Variants in AGBL1 observed in about 807,000 individuals in gnomAD.
AGBL1 encodes cytosolic carboxypeptidase 4.
In AGBL1, 130 loss-of-function variants were observed where a neutral mutation model predicts 118.9. The ratio of observed to expected loss-of-function variants is 1.09; its 90% CI spans 0.95 to 1.26. The LOEUF is 1.26. AGBL1 is among the 50% of genes most tolerant of loss of function. The pLI is 0.00. For synonymous variants in AGBL1, 555 were observed against 478.9 expected (o/e 1.16, Z -2.08); for missense variants, 1,584 against 1,298.1 (o/e 1.22, Z -3.38).
intron 22 of AGBL1, among the ~76,000 whole-genome samples, chr15:86,883,690 G>C (rs989886789): frequency 6.6e-6 from 1 of 152,058 alleles, no homozygotes; most frequent in African/African-American, 2.4e-5. Flanking sequence ...CCTAGCACAT[G>C]GTAGGTAGGT....
chr15:86,991,317 A>G (rs889457524), intron 24 of AGBL1, among the ~76,000 whole-genome samples: 10 of 151,108 alleles, frequency 6.6e-5, no homozygotes, highest in African/African-American at 2.4e-4. Context: ...CTTGCATAAA[A>G]CTATCATATG....
At chr15:86,508,454 A>AT (rs2083009374) in intron 18 of AGBL1, among the ~76,000 whole-genome samples, 1 of 152,098 alleles carries the variant, frequency 6.6e-6, no homozygotes, top group African/African-American at 2.4e-5. Flanking sequence ...CAGGAAACCT[A>AT]TTTTTCATTG....
intron 22 of AGBL1, among the ~76,000 whole-genome samples, chr15:86,901,218 T>C (rs1434269623): frequency 6.6e-6 from 1 of 152,300 alleles, no homozygotes; most frequent in African/African-American, 2.4e-5. Flanking sequence ...TCTGTTTCAT[T>C]TCTAAAAGAT....
At chr15:86,662,838 A>G (rs1372487160) in intron 21 of AGBL1, among the ~76,000 whole-genome samples, 1 of 152,202 alleles carries the variant, frequency 6.6e-6, no homozygotes, top group East Asian at 1.9e-4. Flanking sequence ...GCCATTCCGC[A>G]TGACCAGTGA....
At chr15:86,374,901 A>G (rs1299415466) in intron 17 of AGBL1, among the ~76,000 whole-genome samples, 1 of 152,238 alleles carries the variant, frequency 6.6e-6, no homozygotes, top group East Asian at 1.9e-4. Flanking sequence ...ACAGTAGCAC[A>G]TTCATCATGA....
At chr15:87,027,170 T>G (rs887134143) in intron 24 of AGBL1, among the ~76,000 whole-genome samples, 3 of 151,928 alleles carry the variant, frequency 2.0e-5, no homozygotes, top group Non-Finnish European at 4.4e-5. Context: ...GTGGCTAACA[T>G]ATGAAAAATA....
chr15:86,932,806 T>C (rs1056901432), intron 23 of AGBL1: 5 of 152,202 alleles, frequency 3.3e-5, no homozygotes, highest in Non-Finnish European at 5.9e-5. Context: ...TTAAGTCTAG[T>C]TACTTGAATC....
intron 22 of AGBL1, among the ~76,000 whole-genome samples, chr15:86,848,880 T>G (rs2079357018): frequency 6.6e-6 from 1 of 152,194 alleles, no homozygotes; most frequent in Non-Finnish European, 1.5e-5. Flanking sequence ...TCTCGAGTAC[T>G]TTCCATGCTC....
intron 22 of AGBL1, among the ~76,000 whole-genome samples, chr15:86,871,872 T>C (rs1302518867): frequency 2.0e-5 from 3 of 152,190 alleles, no homozygotes; most frequent in African/African-American, 7.2e-5. Flanking sequence ...ATAAAATGAT[T>C]GGTTGAATTA....
At chr15:86,117,092 GAA>G (rs755363013) in intron 1 of AGBL1, among the ~76,000 whole-genome samples, 2 of 151,878 alleles carry the variant, frequency 1.3e-5, no homozygotes, top group Non-Finnish European at 2.9e-5. Context: ...TGGCTCATGG[GAA>G]CTAAAATCAC....
intron 17 of AGBL1, among the ~76,000 whole-genome samples, chr15:86,312,544 G>A (rs1468989982): frequency 6.6e-6 from 1 of 152,222 alleles, no homozygotes; most frequent in Non-Finnish European, 1.5e-5. Context: ...TGCCTTTCCT[G>A]GTAACAGATG....
chr15:86,632,378 G>C (rs183712214), intron 21 of AGBL1, among the ~76,000 whole-genome samples: 1 of 152,134 alleles, frequency 6.6e-6, no homozygotes, highest in Non-Finnish European at 1.5e-5. Flanking sequence ...AGGAGGCGGA[G>C]GTTGCGGTGA....
At chr15:86,864,641 T>C (rs1025315006) in intron 22 of AGBL1, among the ~76,000 whole-genome samples, 1 of 152,096 alleles carries the variant, frequency 6.6e-6, no homozygotes, top group Non-Finnish European at 1.5e-5. Flanking sequence ...TTAAGCTCCA[T>C]CTTAACTACA....
At chr15:86,260,611 A>G (rs757402464) in intron 9 of AGBL1, among the ~76,000 whole-genome samples, 2 of 151,966 alleles carry the variant, frequency 1.3e-5, no homozygotes. Context: ...ATTCTTGGGG[A>G]TGATAATCTG....
At chr15:86,369,799 G>T (rs1245761622) in intron 17 of AGBL1, among the ~76,000 whole-genome samples, 1 of 152,036 alleles carries the variant, frequency 6.6e-6, no homozygotes, top group Non-Finnish European at 1.5e-5. Context: ...AAGGGCTACT[G>T]TATAATAAAA....
chr15:86,209,159 G>A (rs910485262), intron 5 of AGBL1, among the ~76,000 whole-genome samples: 6 of 152,174 alleles, frequency 3.9e-5, no homozygotes, highest in African/African-American at 1.4e-4. Context: ...GTTTTAATAT[G>A]ATTGCACTGT....
At chr15:86,685,361 G>A (rs1194629891) in intron 22 of AGBL1, among the ~76,000 whole-genome samples, 2 of 152,134 alleles carry the variant, frequency 1.3e-5, no homozygotes, top group African/African-American at 2.4e-5. Context: ...TATTTGTGGT[G>A]AGAGATGAGC....
At chr15:86,590,363 C>G (rs970271090) in intron 21 of AGBL1, among the ~76,000 whole-genome samples, 18 of 152,092 alleles carry the variant, frequency 1.2e-4, no homozygotes, top group Non-Finnish European at 1.8e-4. Context: ...AGAGTGAGTT[C>G]TCACAAGATC....
chr15:86,714,950 G>T (rs1846687912), intron 22 of AGBL1, among the ~76,000 whole-genome samples: 1 of 152,150 alleles, frequency 6.6e-6, no homozygotes, highest in Non-Finnish European at 1.5e-5. Flanking sequence ...TAAATTTTTG[G>T]ATTATTGAAA....
Sources: allele counts gnomAD v4.1 joint callset (sites outside exome capture counted in the v4.1 genomes callset), GRCh38; gene constraint gnomAD v4.1.1; transcripts MANE v1.5; gene names NCBI Gene and HGNC (gene_info 2026-07-23, HGNC 2026-07-21).